Variants in PCDH15 observed in about 807,000 individuals in gnomAD.
The protein encoded by PCDH15 is protocadherin related 15.
PCDH15 carries 129 observed loss-of-function variants against 178.5 expected under a neutral mutation model. That is an observed-to-expected ratio of 0.72 (90% CI 0.63 to 0.84). The LOEUF (loss-of-function observed/expected upper bound fraction) is 0.84. Among genes scored for constraint, PCDH15 ranks in the 40% least tolerant of loss-of-function variants. The probability of loss-of-function intolerance (pLI) is 0.00; values close to 1 mark genes in which losing one functional copy is unlikely to be tolerated. For synonymous variants in PCDH15, 800 were observed against 732.0 expected, an observed-to-expected ratio of 1.09 and a Z score of -1.50; for missense variants, 2,230 against 2,099.9, an observed-to-expected ratio of 1.06 and a Z score of -1.21.
intron 2 of PCDH15, among the ~76,000 whole-genome samples, chr10:55,378,879 C>CTCTCTCTCTCTCTCTA (rs1285983827): frequency 5.6e-5 from 6 of 107,526 alleles, no homozygotes; most frequent in South Asian, 2.9e-4. Flanking sequence ...CTCTCCCCAT[C>CTCTCTCTCTCTCTCTA]TCTCTCTCTC....
chr10:54,176,887 T>C (rs1322881017), intron 13 of PCDH15, among the ~76,000 whole-genome samples: 3 of 152,134 alleles, frequency 2.0e-5, no homozygotes, highest in Non-Finnish European at 4.4e-5. Context: ...ATATCCATAT[T>C]CATTCTATAT....
intron 2 of PCDH15, among the ~76,000 whole-genome samples, chr10:55,065,915 T>A (rs912109476): frequency 3.3e-5 from 5 of 152,012 alleles, no homozygotes; most frequent in African/African-American, 1.2e-4. Context: ...TATGTCGTGA[T>A]TGTGATTCAG....
At chr10:54,244,690 C>G (rs917265080) in intron 8 of PCDH15, among the ~76,000 whole-genome samples, 2 of 152,310 alleles carry the variant, frequency 1.3e-5, no homozygotes, top group South Asian at 4.1e-4. Flanking sequence ...TCTATAACAA[C>G]TATTCTGGTT....
chr10:55,075,129 T>A (rs1438822602), intron 2 of PCDH15, among the ~76,000 whole-genome samples: 1 of 151,972 alleles, frequency 6.6e-6, no homozygotes, highest in East Asian at 1.9e-4. Flanking sequence ...TCTCACTACT[T>A]CTTATTGATC....
chr10:53,877,016 A>C (rs111478519), intron 26 of PCDH15, among the ~76,000 whole-genome samples: 3 of 152,266 alleles, frequency 2.0e-5, no homozygotes, highest in African/African-American at 7.2e-5. Context: ...TAGAAAATTA[A>C]AGAAAGAAAC....
intron 2 of PCDH15, among the ~76,000 whole-genome samples, chr10:55,012,737 T>C (rs1182999216): frequency 6.6e-6 from 1 of 152,118 alleles, no homozygotes; most frequent in Non-Finnish European, 1.5e-5. Context: ...CTTTGAAGAT[T>C]CATTTACTTA....
intron 26 of PCDH15, among the ~76,000 whole-genome samples, chr10:53,897,403 TTAAA>T (rs2082023180): frequency 6.6e-6 from 1 of 152,170 alleles, no homozygotes; most frequent in African/African-American, 2.4e-5. Flanking sequence ...ATGAATTAAA[TTAAA>T]TATAGTTTAA....
chr10:54,539,287 T>C (rs762735153), intron 2 of PCDH15, among the ~76,000 whole-genome samples: 3 of 152,218 alleles, frequency 2.0e-5, no homozygotes, highest in Middle Eastern at 3.4e-3. Flanking sequence ...TGGAGAAAGA[T>C]CTATCATGCA....
chr10:55,607,849 G>A (rs537653622), intron 2 of PCDH15, among the ~76,000 whole-genome samples: 1 of 151,130 alleles, frequency 6.6e-6, no homozygotes, highest in East Asian at 2.0e-4. Context: ...GTATACATAT[G>A]TAACTAACCT....
At chr10:54,999,743 G>T (rs563897385) in intron 2 of PCDH15, among the ~76,000 whole-genome samples, 1 of 152,174 alleles carries the variant, frequency 6.6e-6, no homozygotes. Context: ...ATTCACCCCC[G>T]ATATTTCACG....
intron 3 of PCDH15, among the ~76,000 whole-genome samples, chr10:54,828,789 T>C (rs1055727579): frequency 1.3e-5 from 2 of 151,930 alleles, no homozygotes; most frequent in Admixed American, 6.6e-5. Context: ...TCACATAATA[T>C]GGGTAGTGGC....
intron 2 of PCDH15, among the ~76,000 whole-genome samples, chr10:55,508,124 G>A (rs561046843): frequency 1.3e-5 from 2 of 151,354 alleles, no homozygotes; most frequent in East Asian, 3.9e-4. Flanking sequence ...GACTTGGTGG[G>A]GTAGACCACA....
At chr10:54,546,706 A>C (rs2085897130) in intron 2 of PCDH15, among the ~76,000 whole-genome samples, 1 of 152,216 alleles carries the variant, frequency 6.6e-6, no homozygotes, top group African/African-American at 2.4e-5. Flanking sequence ...AAACACATTT[A>C]GATTTAAAAT....
Position 54,332,200 on chromosome 10 carries a change from T to C in PCDH15, c.595-2494A>G, listed in dbSNP as rs921351479. ...TATGATAGATAATAAATTACCTTTT[T>C]GGTTAAATCATCTTTAATTTAGTTT... is the stretch of plus-strand genomic sequence containing the variant. On this transcript the variant is annotated intron_variant, in intron 6 of 37. Coordinates refer to ENST00000644397, the MANE Select transcript of PCDH15 (RefSeq NM_001384140.1). 5.4e-4 allele frequency among the ~76,000 whole-genome samples: 74 copies of C among 138,194 alleles called. 1 individual carries two copies. The highest frequency in any genetic ancestry group is 1.9e-3 in the African/African-American group (73 of 37,612). 90.7% of individuals were successfully genotyped at this position (138,194 alleles called of 152,430 possible). A position where few individuals can be genotyped will look rare whatever the true frequency, so the allele number is the denominator to read the frequency against.
intron 2 of PCDH15, among the ~76,000 whole-genome samples, chr10:55,467,000 C>T (rs1209325740): frequency 6.6e-6 from 1 of 152,186 alleles, no homozygotes; most frequent in African/African-American, 2.4e-5. Context: ...GCTCTATCTA[C>T]TGGCTCTCAG....
intron 1 of PCDH15, among the ~76,000 whole-genome samples, chr10:55,286,766 A>C (rs994128676): frequency 6.6e-6 from 1 of 152,000 alleles, no homozygotes; most frequent in African/African-American, 2.4e-5. Flanking sequence ...CATATTGAAA[A>C]GTCAGGCTTC....
intron 1 of PCDH15, among the ~76,000 whole-genome samples, chr10:55,200,136 T>C (rs1195541428): frequency 1.3e-5 from 2 of 152,074 alleles, no homozygotes; most frequent in Non-Finnish European, 2.9e-5. Flanking sequence ...GCTTGCACTG[T>C]ACACTTTGAA....
At chr10:55,326,641 T>C (rs1486559710) in intron 2 of PCDH15, among the ~76,000 whole-genome samples, 1 of 151,740 alleles carries the variant, frequency 6.6e-6, no homozygotes, top group Non-Finnish European at 1.5e-5. Context: ...AGTTAGCAAA[T>C]AAACAGTTAA....
intron 6 of PCDH15, among the ~76,000 whole-genome samples, chr10:54,337,029 A>G (rs1169742542): frequency 6.6e-6 from 1 of 152,122 alleles, no homozygotes; most frequent in Non-Finnish European, 1.5e-5. Context: ...TGGAGCTTTA[A>G]GATTTGACTG....
Sources: allele counts gnomAD v4.1 joint callset (sites outside exome capture counted in the v4.1 genomes callset), GRCh38; gene constraint gnomAD v4.1.1; transcripts MANE v1.5; gene names NCBI Gene and HGNC (gene_info 2026-07-23, HGNC 2026-07-21).